GRIN2A: variants seen among roughly 807,000 people sequenced by gnomAD.
GRIN2A encodes the protein glutamate ionotropic receptor NMDA type subunit 2A, also known as glutamate receptor ionotropic, NMDA 2A.
A neutral mutation model predicts 113.4 loss-of-function variants in GRIN2A; 22 were observed. That is an observed-to-expected ratio of 0.19 (90% CI 0.14 to 0.28). The LOEUF (loss-of-function observed/expected upper bound fraction) is 0.28. Ranked by LOEUF, GRIN2A falls within the 10% of genes least tolerant of loss-of-function variation. The pLI, the probability that GRIN2A is intolerant of heterozygous loss-of-function variation, is 1.00. For synonymous variants in GRIN2A, 827 were observed against 738.4 expected (o/e 1.12, Z -1.94); for missense variants, 1,502 against 1,887.0 (o/e 0.80, Z 3.78).
chr16:10,011,587 G>A (rs892057148), intron 2 of GRIN2A, among the ~76,000 whole-genome samples: 5 of 152,182 alleles, frequency 3.3e-5, no homozygotes, highest in African/African-American at 4.8e-5. Flanking sequence ...GTAACTGCCT[G>A]TCAGATCCTC....
chr16:9,965,708 G>A (rs1445474187), intron 2 of GRIN2A, among the ~76,000 whole-genome samples: 1 of 152,160 alleles, frequency 6.6e-6, no homozygotes, highest in Non-Finnish European at 1.5e-5. Flanking sequence ...TGAATGGAGA[G>A]GAAATCACCC....
chr16:10,172,723 G>C (rs2050067835), intron 2 of GRIN2A, among the ~76,000 whole-genome samples: 1 of 152,208 alleles, frequency 6.6e-6, no homozygotes, highest in Non-Finnish European at 1.5e-5. Context: ...CATGAAGTTT[G>C]GATTTTCTTT....
chr16:10,129,211 G>C (rs2049011298), intron 2 of GRIN2A, among the ~76,000 whole-genome samples: 1 of 152,062 alleles, frequency 6.6e-6, no homozygotes, highest in Non-Finnish European at 1.5e-5. Context: ...ATGTAGCTGG[G>C]ACTGCAGGTG....
At chr16:10,044,521 T>A (rs1004074090) in intron 2 of GRIN2A, among the ~76,000 whole-genome samples, 1 of 151,840 alleles carries the variant, frequency 6.6e-6, no homozygotes, top group Non-Finnish European at 1.5e-5. Context: ...AAGTCATTCT[T>A]CATCTAGGCT....
At chr16:10,075,181 C>G (rs1027392508) in intron 2 of GRIN2A, among the ~76,000 whole-genome samples, 29 of 152,200 alleles carry the variant, frequency 1.9e-4, no homozygotes, top group South Asian at 4.2e-4. Flanking sequence ...TATCCAGTAC[C>G]TGGCGCGTAG....
intron 2 of GRIN2A, chr16:10,179,730 T>A: frequency 3.9e-6 from 2 of 509,996 alleles, no homozygotes; most frequent in African/African-American, 1.9e-5. Context: ...CACAGCCTAC[T>A]TCTCAGTTTT....
chr16:10,111,366 G>A lies in GRIN2A; in HGVS notation c.414+68632C>T, dbSNP rs887849994. 8.6e-5 allele frequency: 38 copies of A among 440,834 alleles called. 1 individual carries two copies. In the East Asian group the frequency reaches 9.5e-4, roughly 11 times the overall value. 27.3% of individuals were successfully genotyped at this position (440,834 alleles called of 1,614,324 possible). On this transcript the variant is annotated intron_variant, in intron 2 of 12. Coordinates refer to ENST00000330684, the MANE Select transcript of GRIN2A (RefSeq NM_001134407.3). ...GCCGCGCGGGTGTTTGTCGCTTCGC[G>A]GGGCCTTGCGGCAGCATGGCGAACC...
chr16:9,881,023 C>G (rs956398185), intron 4 of GRIN2A, among the ~76,000 whole-genome samples: 1 of 152,066 alleles, frequency 6.6e-6, no homozygotes, highest in African/African-American at 2.4e-5. Context: ...AGTGAGTGCT[C>G]AGGAAATTTT....
chr16:10,170,299 C>T (rs1480389429), intron 2 of GRIN2A, among the ~76,000 whole-genome samples: 3 of 152,266 alleles, frequency 2.0e-5, no homozygotes, highest in South Asian at 4.1e-4. Flanking sequence ...AGTCTCACAT[C>T]CCCCTTTCTG....
intron 2 of GRIN2A, among the ~76,000 whole-genome samples, chr16:10,160,648 T>C (rs1243752035): frequency 1.3e-5 from 2 of 152,230 alleles, no homozygotes; most frequent in South Asian, 2.1e-4. Context: ...ATTTTGGCTG[T>C]TTTAATGAAT....
intron 5 of GRIN2A, among the ~76,000 whole-genome samples, 199 bp from the exon 6 acceptor site, chr16:9,841,303 C>A (rs2042674051): frequency 6.6e-6 from 1 of 152,154 alleles, no homozygotes; most frequent in African/African-American, 2.4e-5. Context: ...ATGACAAGAA[C>A]TAACACTTAT....
chr16:10,107,534 G>T (rs977655399), intron 2 of GRIN2A, among the ~76,000 whole-genome samples: 3 of 152,188 alleles, frequency 2.0e-5, no homozygotes, highest in Non-Finnish European at 2.9e-5. Flanking sequence ...GCCAGGCCAA[G>T]CTAGCAAATA....
intron 2 of GRIN2A, among the ~76,000 whole-genome samples, chr16:9,976,562 G>A (rs1170756786): frequency 6.6e-6 from 1 of 152,144 alleles, no homozygotes; most frequent in East Asian, 1.9e-4. Flanking sequence ...CAAGCTCCAG[G>A]ACCCTGAACC....
intron 11 of GRIN2A, among the ~76,000 whole-genome samples, chr16:9,792,079 TTGTGTGTGTG>T (rs71400495): frequency 3.6e-5 from 4 of 112,330 alleles, no homozygotes; most frequent in South Asian, 2.6e-4. Context: ...TGAAGTAAAA[TTGTGTGTGTG>T]TGTGTGTGTG....
At chr16:10,128,617 T>C (rs369146867) in intron 2 of GRIN2A, among the ~76,000 whole-genome samples, 50 of 152,326 alleles carry the variant, frequency 3.3e-4, no homozygotes, top group Middle Eastern at 3.4e-3. Flanking sequence ...ATGAATCATG[T>C]GTGCCTGCTT....
At chr16:9,781,241 T>C (rs1314268524) in intron 11 of GRIN2A, among the ~76,000 whole-genome samples, 1 of 152,240 alleles carries the variant, frequency 6.6e-6, no homozygotes, top group African/African-American at 2.4e-5. Flanking sequence ...TTTATATTTA[T>C]ATAAAAGAGA....
intron 4 of GRIN2A, among the ~76,000 whole-genome samples, chr16:9,854,674 C>T (rs1362840632): frequency 6.6e-6 from 1 of 152,118 alleles, no homozygotes; most frequent in East Asian, 1.9e-4. Context: ...CCAATCCTCT[C>T]CATAAAAGTG....
intron 2 of GRIN2A, among the ~76,000 whole-genome samples, chr16:10,088,236 T>C (rs2048118675): frequency 6.6e-6 from 1 of 152,128 alleles, no homozygotes. Flanking sequence ...ATTGAAAAAT[T>C]CATCCTAAAG....
chr16:10,114,342 G>C (rs749428462), intron 2 of GRIN2A, among the ~76,000 whole-genome samples: 8 of 152,236 alleles, frequency 5.3e-5, no homozygotes, highest in Non-Finnish European at 1.0e-4. Flanking sequence ...GAGTTGAAGA[G>C]GTTTTGATCC....
Sources: gnomAD v4.1 joint callset for allele counts (sites outside exome capture counted in the v4.1 genomes callset) on GRCh38, gnomAD v4.1.1 for gene constraint, MANE v1.5 for transcripts, NCBI Gene and HGNC (gene_info 2026-07-23, HGNC 2026-07-21) for gene names.